Variants in RNF144A observed in about 807,000 individuals in gnomAD.
RNF144A encodes ring finger protein 144A.
A neutral mutation model predicts 38.7 loss-of-function variants in RNF144A; 11 were observed. That is an observed-to-expected ratio of 0.28 (90% CI 0.18 to 0.47). RNF144A has a LOEUF of 0.47. Ranked by LOEUF, RNF144A falls within the 20% of genes least tolerant of loss-of-function variation. The pLI is 0.99. For missense variants in RNF144A, 316 were observed against 377.2 expected (o/e 0.84, Z 1.34); for synonymous variants, 149 against 143.9 (o/e 1.04, Z -0.25).
intron 2 of RNF144A, among the ~76,000 whole-genome samples, chr2:6,993,666 A>G (rs1006037333): frequency 1.3e-5 from 2 of 152,116 alleles, no homozygotes; most frequent in Non-Finnish European, 2.9e-5. Context: ...CTGGGAGCAT[A>G]GTGCATGGCT....
At position 7,038,037 on chromosome 2, in the gene RNF144A, G is replaced by A. The variant is rs148618185; in HGVS notation, c.748-1592G>A. On this transcript the variant is annotated intron_variant, in intron 8 of 8. Transcript: ENST00000320892. ...CTGTGCCTCTTTGACCAGCCATGCC[G>A]CCTGACTCAGATGATGGCATGTCTG... Among the ~76,000 whole-genome samples the A allele has an allele frequency of 2.5e-3, 384 of 152,332 alleles. 2 individuals are homozygous for A. The highest frequency in any genetic ancestry group is 8.9e-3 in the African/African-American group (368 of 41,576).
At chr2:7,006,612 G>C (rs750544870) in intron 3 of RNF144A, among the ~76,000 whole-genome samples, 1 of 152,030 alleles carries the variant, frequency 6.6e-6, no homozygotes, top group African/African-American at 2.4e-5. Context: ...CCAACCCCGA[G>C]CCCCTTCACT....
At chr2:7,020,711 G>T (rs911129005) in intron 6 of RNF144A, 31 bp downstream of exon 6, 6 of 1,582,930 alleles carry the variant, frequency 3.8e-6, no homozygotes, top group Non-Finnish European at 4.3e-6. Flanking sequence ...GCCACCAAAG[G>T]CATGGCTGTG....
In RNF144A at chr2:6,978,110, A is replaced by T. The variant is rs781726647; in HGVS notation, c.-11-18806A>T. Among the ~76,000 whole-genome samples, 3 of 152,132 alleles carry T rather than the reference A, an allele frequency of 2.0e-5. No homozygotes were observed. The East Asian group carries it at 5.8e-4, about 29-fold the overall frequency. On this transcript the variant is annotated intron_variant, in intron 2 of 8. Coordinates refer to ENST00000320892, the MANE Select transcript of RNF144A (RefSeq NM_014746.6). Reference sequence around the variant, plus strand: ...CCAGGAGAGGAGAGGAGGTGTGGGCACCCTCGTGAGGTAAAGGTGTCTGTG... The same window carrying T: ...CCAGGAGAGGAGAGGAGGTGTGGGCTCCCTCGTGAGGTAAAGGTGTCTGTG...
intron 2 of RNF144A, among the ~76,000 whole-genome samples, chr2:6,959,832 G>A (rs936976388): frequency 6.6e-6 from 1 of 152,198 alleles, no homozygotes; most frequent in African/African-American, 2.4e-5. Context: ...TTCAGCATGA[G>A]TTCCAGAGGG....
chr2:7,018,099 G>T (rs1274592251), intron 5 of RNF144A, among the ~76,000 whole-genome samples: 1 of 152,178 alleles, frequency 6.6e-6, no homozygotes, highest in Non-Finnish European at 1.5e-5. Context: ...CAAATCACGT[G>T]CATGAAGAGA....
chr2:7,036,221 C>G (rs1672670107), intron 8 of RNF144A, among the ~76,000 whole-genome samples: 1 of 152,234 alleles, frequency 6.6e-6, no homozygotes, highest in African/African-American at 2.4e-5. Context: ...AGTAACCTTA[C>G]TTCCTTAGGA....
intron 6 of RNF144A, among the ~76,000 whole-genome samples, chr2:7,021,135 C>T (rs1572419245): frequency 6.6e-6 from 1 of 152,134 alleles, no homozygotes; most frequent in Admixed American, 6.5e-5. Flanking sequence ...GGCGGCCTCC[C>T]CTGCAGCCAT....
intron 7 of RNF144A, among the ~76,000 whole-genome samples, chr2:7,029,895 G>A (rs1025137707): frequency 4.6e-5 from 7 of 152,240 alleles, no homozygotes; most frequent in Admixed American, 4.6e-4. Context: ...TAGAGCCCGA[G>A]GCTGTGCTGT....
intron 5 of RNF144A, among the ~76,000 whole-genome samples, chr2:7,017,457 G>A (rs1466100708): frequency 1.3e-5 from 2 of 152,118 alleles, no homozygotes; most frequent in Non-Finnish European, 1.5e-5. Context: ...TCCCAGCCCT[G>A]CACCAGGCAC....
intron 7 of RNF144A, among the ~76,000 whole-genome samples, chr2:7,025,567 G>A (rs1671829871): frequency 6.6e-6 from 1 of 152,132 alleles, no homozygotes; most frequent in Admixed American, 6.5e-5. Flanking sequence ...AGCTACATGG[G>A]AGACTGAGGC....
At chr2:6,920,287 C>T (rs1212511954) in intron 1 of RNF144A, among the ~76,000 whole-genome samples, 1 of 152,158 alleles carries the variant, frequency 6.6e-6, no homozygotes, top group East Asian at 1.9e-4. Flanking sequence ...ATCACAGAAC[C>T]AGGTGGGCCA....
rs1053280242 is a variant in RNF144A, at chr2:6,975,161, C to T, written c.-11-21755C>T. On this transcript the variant is annotated intron_variant, in intron 2 of 8. Transcript: ENST00000320892. ...CATTTCCATGTGCCTGGGGAGGCCT[C>T]ACAATCATGACAGAGGACTACGAAA... Among the ~76,000 whole-genome samples, 12 of 152,150 alleles carry T rather than the reference C, an allele frequency of 7.9e-5. 1 individual carries two copies. The South Asian group carries it at 1.0e-3, about 13-fold the overall frequency.
chr2:6,965,444 C>G (rs965261137), intron 2 of RNF144A, among the ~76,000 whole-genome samples: 1 of 152,176 alleles, frequency 6.6e-6, no homozygotes, highest in South Asian at 2.1e-4. Flanking sequence ...GTCAATTACT[C>G]AATTACAGAA....
intron 3 of RNF144A, among the ~76,000 whole-genome samples, chr2:7,004,613 C>T (rs1189657366): frequency 6.6e-6 from 1 of 152,224 alleles, no homozygotes; most frequent in Non-Finnish European, 1.5e-5. Context: ...GTGAAAATGC[C>T]TGACATCATC....
chr2:6,935,075 A>G (rs935623887), intron 1 of RNF144A, among the ~76,000 whole-genome samples: 14 of 151,324 alleles, frequency 9.3e-5, no homozygotes, highest in Non-Finnish European at 1.9e-4. Flanking sequence ...CTTGAGACAT[A>G]TGCCATCAGG....
intron 2 of RNF144A, among the ~76,000 whole-genome samples, chr2:6,971,612 C>A (rs567481608): frequency 3.3e-5 from 5 of 152,266 alleles, no homozygotes; most frequent in African/African-American, 1.2e-4. Context: ...ATCAGTTATT[C>A]TAGACACAGA....
intron 1 of RNF144A, among the ~76,000 whole-genome samples, chr2:6,923,277 G>A (rs941687046): frequency 1.8e-4 from 28 of 152,188 alleles, no homozygotes; most frequent in African/African-American, 6.8e-4. Context: ...TCACTGAAAC[G>A]GAAATGCGCT....
In RNF144A at chr2:6,951,012, A is replaced by C. The variant is rs950755377; in HGVS notation, c.-12+9865A>C. ...TTAATGACTAGAAGTTCTTGATTTT[A>C]ACATGCTGACTATATCAGCCTTGCC... On this transcript the variant is annotated intron_variant, in intron 2 of 8. Transcript: ENST00000320892. Among the ~76,000 whole-genome samples, 3 of 152,280 alleles carry C rather than the reference A, an allele frequency of 2.0e-5. No homozygotes were observed. The East Asian group carries it at 5.8e-4, about 29-fold the overall frequency.
Sources: gnomAD v4.1 joint callset for allele counts (sites outside exome capture counted in the v4.1 genomes callset) on GRCh38, gnomAD v4.1.1 for gene constraint, MANE v1.5 for transcripts, NCBI Gene and HGNC (gene_info 2026-07-23, HGNC 2026-07-21) for gene names.